The following BCO2 variants were observed in gnomAD, a reference collection of about 807,000 sequenced individuals.
BCO2 encodes beta-carotene oxygenase 2, also known as carotenoid-cleaving dioxygenase, mitochondrial.
BCO2 carries 56 observed loss-of-function variants against 65.8 expected under a neutral mutation model. That is an observed-to-expected ratio of 0.85 (90% CI 0.69 to 1.06). The LOEUF (loss-of-function observed/expected upper bound fraction) is 1.06, where lower values mean the gene tolerates loss of function less well. BCO2 is among the 50% of genes least tolerant of loss of function. The pLI is 0.00. For synonymous variants in BCO2, 233 were observed against 242.3 expected, an observed-to-expected ratio of 0.96 and a Z score of 0.36; for missense variants, 675 against 698.5, an observed-to-expected ratio of 0.97 and a Z score of 0.38.
rs757881635 is a variant in BCO2 at position 112,179,360 on chromosome 11, G to A, written c.171G>A (p.Leu57=). Residue 57 remains leucine (L), a synonymous_variant, in exon 2 of 12, where the codon CTG becomes CTA. Transcript: ENST00000357685. Reference sequence around the variant, plus strand: ...GGGGTCTGCCATGTGTTGCACCGCTGCTGACCACAGTGGAAGAGGCTCCAC... The same window carrying A: ...GGGGTCTGCCATGTGTTGCACCGCTACTGACCACAGTGGAAGAGGCTCCAC... ...QCRGLPCVAP[L]LTTVEEAPRG... The A allele has an allele frequency of 3.7e-6, 6 of 1,614,204 alleles. No individual in the cohort carries two copies. In the Admixed American group the frequency reaches 1.0e-4, roughly 27 times the overall value.
intron 5 of BCO2, among the ~76,000 whole-genome samples, chr11:112,199,435 A>G (rs1310294238): frequency 6.6e-6 from 1 of 152,204 alleles, no homozygotes; most frequent in Non-Finnish European, 1.5e-5. Context: ...TTTCCTACGA[A>G]TTAGAGATGA....
chr11:112,181,710 A>G lies in BCO2; in HGVS notation c.293+2228A>G, dbSNP rs1867056372. ...GGAATTTGTCCGATTTTTACTAGCA[A>G]CTCCAACCAAGTCAGAACTGTGATG... On this transcript the variant is annotated intron_variant, in intron 2 of 11. Transcript: ENST00000357685. The G allele has an allele frequency of 4.1e-6, 4 of 975,098 alleles. No individual in the cohort carries two copies. The East Asian group carries it at 9.6e-5, about 23-fold the overall frequency. 60.4% of individuals were successfully genotyped at this position (975,098 alleles called of 1,614,324 possible).
At position 112,194,651 on chromosome 11, in the gene BCO2, A is replaced by C. The variant is rs956396489; in HGVS notation, c.634-2A>C. 6.3e-6 allele frequency: 10 copies of C among 1,596,958 alleles called. No homozygotes were observed. The African/African-American group carries it at 8.1e-5, about 13-fold the overall frequency. On this transcript the variant is annotated splice_acceptor_variant, in intron 4 of 11. Coordinates refer to ENST00000357685, the MANE Select transcript of BCO2 (RefSeq NM_031938.7). LOFTEE classifies it high-confidence loss of function. The stretch of plus-strand genomic sequence containing the variant: ...AAATCTCCAGTGGTCTCAAATTTGC[A>C]GGTAGATTGGAGCAAATTTATTGCT...
intron 7 of BCO2, among the ~76,000 whole-genome samples, chr11:112,201,761 A>C (rs529739918): frequency 1.3e-5 from 2 of 152,322 alleles, no homozygotes; most frequent in Admixed American, 6.5e-5. Flanking sequence ...ATATTTCATG[A>C]GGGATTTTAA....
At chr11:112,192,904 AG>A (rs1326105275) in intron 2 of BCO2, among the ~76,000 whole-genome samples, 1 of 76,990 alleles carries the variant, frequency 1.3e-5, no homozygotes, top group Non-Finnish European at 2.6e-5. Flanking sequence ...TCACCACAAT[AG>A]GGGTTTTCTA....
chr11:112,216,348 T>C lies in BCO2; in HGVS notation c.1626+18T>C, dbSNP rs770578208. ...CCAACCAGGTAAATATATTTCCCTA[T>C]CACCAGTCAGAAAGAAAAGTAGCAC... On this transcript the variant is annotated intron_variant, in intron 11 of 11. Transcript: ENST00000357685. The C allele has an allele frequency of 6.4e-7, 1 of 1,570,924 alleles. No individual in the cohort carries two copies. Among genetic ancestry groups the C allele is most frequent in the Admixed American group, 1.7e-5 (1 of 59,858 alleles).
intron 1 of BCO2, among the ~76,000 whole-genome samples, chr11:112,177,050 A>C (rs75939364): frequency 0.015 from 2,342 of 152,356 alleles, 33 homozygotes; most frequent in Non-Finnish European, 0.024. Context: ...ATTTTCTACA[A>C]TGTAAAATGC....
chr11:112,183,651 G>T (rs1308008445), intron 2 of BCO2, among the ~76,000 whole-genome samples: 3 of 152,190 alleles, frequency 2.0e-5, no homozygotes, highest in Non-Finnish European at 1.5e-5. Flanking sequence ...CTTGGTAAAG[G>T]TTGTTTAGGT....
At chr11:112,184,700 T>A (rs1390903007) in intron 2 of BCO2, among the ~76,000 whole-genome samples, 5 of 152,150 alleles carry the variant, frequency 3.3e-5, no homozygotes, top group African/African-American at 7.2e-5. Context: ...GTTTTTTTTT[T>A]AAACAAATTT....
Position 112,175,538 on chromosome 11 carries a change from T to G in BCO2, c.-64T>G, listed in dbSNP as rs1263257297. On this transcript the variant is annotated 5_prime_UTR_variant, in exon 1 of 12. Transcript: ENST00000357685. ...GGCAGTTCTGTGCGTGTTCACTGTTTAGTAGTACTCAAAACTGCCAGTGTG... is the reference window on the plus strand; with the variant it reads ...GGCAGTTCTGTGCGTGTTCACTGTTGAGTAGTACTCAAAACTGCCAGTGTG... 3.3e-6 allele frequency: 4 copies of G among 1,200,062 alleles called. No homozygotes were observed. In the African/African-American group the frequency reaches 4.5e-5, roughly 13 times the overall value. The allele number at this position is 1,200,062 out of a possible 1,614,324, so 74.3% of individuals were successfully genotyped here. A position where few individuals can be genotyped will look rare whatever the true frequency, so the allele number is the denominator to read the frequency against.
intron 5 of BCO2, among the ~76,000 whole-genome samples, chr11:112,197,736 C>T (rs956489033): frequency 6.6e-6 from 1 of 152,170 alleles, no homozygotes; most frequent in Non-Finnish European, 1.5e-5. Context: ...CTTTTCAGCT[C>T]TGTAACACCA....
At position 112,218,490 on chromosome 11, in the gene BCO2, C is replaced by A; in HGVS notation, c.*616C>A. The A allele has an allele frequency of 3.8e-6, 1 of 265,190 alleles. No individual in the cohort carries two copies. The highest frequency in any genetic ancestry group is 7.9e-6 in the Non-Finnish European group (1 of 126,052). The allele number at this position is 265,190 out of a possible 1,614,324, so 16.4% of individuals were successfully genotyped here. ...CCCACTTTTGTCTGCCTGCACCCAACTGCAATGAGCCTATGTATGTCAAGT... is the reference window on the plus strand; with the variant it reads ...CCCACTTTTGTCTGCCTGCACCCAAATGCAATGAGCCTATGTATGTCAAGT... On this transcript the variant is annotated 3_prime_UTR_variant, in exon 12 of 12. Coordinates refer to ENST00000357685, the MANE Select transcript of BCO2 (RefSeq NM_031938.7).
intron 2 of BCO2, among the ~76,000 whole-genome samples, chr11:112,191,210 T>C (rs1197738927): frequency 1.3e-5 from 2 of 151,838 alleles, no homozygotes; most frequent in Non-Finnish European, 2.9e-5. Context: ...GCAAATGATA[T>C]AATATTACTA....
At chr11:112,187,995 GC>G (rs1225913840) in intron 2 of BCO2, among the ~76,000 whole-genome samples, 1 of 152,184 alleles carries the variant, frequency 6.6e-6, no homozygotes, top group Non-Finnish European at 1.5e-5. Context: ...TGTAGTAAGT[GC>G]TTGGTAGATG....
intron 8 of BCO2, among the ~76,000 whole-genome samples, chr11:112,210,743 G>A (rs1231918396): frequency 9.3e-6 from 1 of 108,100 alleles, no homozygotes; most frequent in African/African-American, 3.6e-5. Flanking sequence ...AAATAGCATA[G>A]AACTAAATAC....
intron 8 of BCO2, among the ~76,000 whole-genome samples, chr11:112,209,244 C>T (rs1185195551): frequency 7.9e-5 from 12 of 152,194 alleles, no homozygotes; most frequent in Admixed American, 7.2e-4. Context: ...CTCCCCCATT[C>T]GTCCCTTCCC....
intron 7 of BCO2, among the ~76,000 whole-genome samples, chr11:112,201,398 T>G (rs1013742233): frequency 1.3e-5 from 2 of 152,208 alleles, no homozygotes; most frequent in Non-Finnish European, 1.5e-5. Context: ...TCCACCTGCC[T>G]CAGCCTCCCA....
chr11:112,199,566 C>T, intron 5 of BCO2, 133 bp from the exon 6 acceptor site: 2 of 705,856 alleles, frequency 2.8e-6, no homozygotes, highest in Non-Finnish European at 4.6e-6. Flanking sequence ...TTGAAATAAC[C>T]CTTCAGGAAA....
intron 8 of BCO2, among the ~76,000 whole-genome samples, chr11:112,202,884 T>C (rs1273691556): frequency 6.6e-6 from 1 of 151,926 alleles, no homozygotes; most frequent in African/African-American, 2.4e-5. Context: ...ACCTCGTCTC[T>C]AGTAAAAATG....
Sources: allele counts gnomAD v4.1 joint callset (sites outside exome capture counted in the v4.1 genomes callset), GRCh38; gene constraint gnomAD v4.1.1; transcripts MANE v1.5; gene names NCBI Gene and HGNC (gene_info 2026-07-23, HGNC 2026-07-21).